NRXN1: variants seen among roughly 807,000 people sequenced by gnomAD.
The protein encoded by NRXN1 is neurexin-1.
Under a neutral mutation model 150.9 loss-of-function variants are expected in NRXN1, and 39 were observed. The observed-to-expected ratio is 0.26, with a 90% CI of 0.20 to 0.34. The LOEUF (loss-of-function observed/expected upper bound fraction) is 0.34. Ranked by LOEUF, NRXN1 falls within the 10% of genes least tolerant of loss-of-function variation. The pLI, the probability that NRXN1 is intolerant of heterozygous loss-of-function variation, is 1.00. For synonymous variants in NRXN1, 924 were observed against 757.0 expected (o/e 1.22, Z -3.62); for missense variants, 1,815 against 1,949.9 (o/e 0.93, Z 1.30).
intron 15 of NRXN1, among the ~76,000 whole-genome samples, chr2:50,487,662 C>T (rs971156675): frequency 8.5e-5 from 13 of 152,154 alleles, no homozygotes; most frequent in Non-Finnish European, 1.5e-4. Flanking sequence ...GTACAGTACC[C>T]GGGATGGAAG....
chr2:50,049,633 C>A (rs945540495), intron 21 of NRXN1, among the ~76,000 whole-genome samples: 2 of 152,184 alleles, frequency 1.3e-5, no homozygotes, highest in East Asian at 3.9e-4. Context: ...ATTCCAGAAA[C>A]GATGTCACAA....
At chr2:50,897,221 A>G (rs961014923) in intron 5 of NRXN1, among the ~76,000 whole-genome samples, 4 of 152,226 alleles carry the variant, frequency 2.6e-5, no homozygotes, top group Non-Finnish European at 5.9e-5. Flanking sequence ...TTGCAGTATA[A>G]GTACCACGTA....
intron 18 of NRXN1, among the ~76,000 whole-genome samples, chr2:50,162,690 T>C (rs1276576096): frequency 6.6e-6 from 1 of 152,094 alleles, no homozygotes; most frequent in Non-Finnish European, 1.5e-5. Flanking sequence ...CACAAGAACA[T>C]TTTTATAAAA....
At chr2:50,978,106 CT>C (rs1391217976) in intron 2 of NRXN1, among the ~76,000 whole-genome samples, 1 of 150,530 alleles carries the variant, frequency 6.6e-6, no homozygotes, top group Non-Finnish European at 1.5e-5. Context: ...TTTAAATATT[CT>C]TTAACTGTTC....
At chr2:50,419,780 G>T (rs12616901) in intron 17 of NRXN1, among the ~76,000 whole-genome samples, 17,311 of 151,960 alleles carry the variant, frequency 0.11, 1,398 homozygotes, top group East Asian at 0.37. Context: ...ATATATATTT[G>T]TATCTCCTCC....
At chr2:50,435,054 T>A (rs529106180) in intron 17 of NRXN1, among the ~76,000 whole-genome samples, 1 of 152,262 alleles carries the variant, frequency 6.6e-6, no homozygotes, top group Non-Finnish European at 1.5e-5. Flanking sequence ...ACTATGTATA[T>A]TTACGGGGTT....
intron 5 of NRXN1, among the ~76,000 whole-genome samples, chr2:50,749,402 G>A (rs1344170931): frequency 6.6e-6 from 1 of 152,016 alleles, no homozygotes; most frequent in Admixed American, 6.6e-5. Flanking sequence ...AAAGGGATTA[G>A]AACTTGCTCC....
intron 5 of NRXN1, among the ~76,000 whole-genome samples, chr2:50,712,649 G>C (rs965007143): frequency 3.9e-5 from 6 of 152,030 alleles, no homozygotes; most frequent in Admixed American, 6.6e-5. Context: ...ATCACAACAG[G>C]GTTCTCACTT....
At chr2:50,367,982 T>C (rs2079721154) in intron 17 of NRXN1, among the ~76,000 whole-genome samples, 1 of 152,028 alleles carries the variant, frequency 6.6e-6, no homozygotes, top group Admixed American at 6.6e-5. Context: ...CACACCGTGA[T>C]TAAATGTATA....
At chr2:50,136,182 T>C (rs1159082981) in intron 18 of NRXN1, among the ~76,000 whole-genome samples, 1 of 152,238 alleles carries the variant, frequency 6.6e-6, no homozygotes, top group Non-Finnish European at 1.5e-5. Context: ...GAAATTATTA[T>C]GCAGCTGTAG....
In NRXN1 at chr2:50,029,655, T is replaced by A. The variant is rs59133746; in HGVS notation, c.4128+23616A>T. 4.5e-3 allele frequency among the ~76,000 whole-genome samples: 684 copies of A among 152,280 alleles called. 4 individuals carry two copies. Among genetic ancestry groups the A allele is most frequent in the African/African-American group, 0.016 (661 of 41,554 alleles). ...CGAAATGAAACCTACTTTACTGGCA[T>A]CTTGATCTTGGACTTCTTAGCCTCT... On this transcript the variant is annotated intron_variant, in intron 21 of 22. Transcript: ENST00000401669.
chr2:50,898,611 T>C (rs191468404), intron 5 of NRXN1: 1 of 480,962 alleles, frequency 2.1e-6, no homozygotes, highest in Non-Finnish European at 4.2e-6. Context: ...TGCTGTAATA[T>C]TCTATGAGGT....
chr2:50,950,079 T>C (rs1249963990), intron 2 of NRXN1, among the ~76,000 whole-genome samples: 1 of 152,196 alleles, frequency 6.6e-6, no homozygotes, highest in Non-Finnish European at 1.5e-5. Context: ...AACTATCTCC[T>C]GGCCTGATGT....
intron 18 of NRXN1, among the ~76,000 whole-genome samples, chr2:50,097,796 C>T (rs77623903): frequency 0.015 from 2,245 of 152,184 alleles, 44 homozygotes; most frequent in African/African-American, 0.049. Flanking sequence ...CATGCCACCA[C>T]GCCCAGCTAA....
At chr2:50,191,659 G>A (rs377682861) in intron 18 of NRXN1, among the ~76,000 whole-genome samples, 2 of 152,100 alleles carry the variant, frequency 1.3e-5, no homozygotes, top group African/African-American at 2.4e-5. Flanking sequence ...TTTCAAGAAT[G>A]TCTTCTAACT....
chr2:50,041,183 A>G (rs1053524609), intron 21 of NRXN1, among the ~76,000 whole-genome samples: 4 of 152,174 alleles, frequency 2.6e-5, no homozygotes, highest in Non-Finnish European at 5.9e-5. Flanking sequence ...TCATTCCACT[A>G]CCCAAACTTC....
rs994319982 is a variant in NRXN1 at position 50,974,206 on chromosome 2, T to C, written c.773-48251A>G. ...AGTTTTACTATTTCAATAAAAGTTATAGTGATTATTGATAAAGACTTTTGG... is the reference window on the plus strand; with the variant it reads ...AGTTTTACTATTTCAATAAAAGTTACAGTGATTATTGATAAAGACTTTTGG... On this transcript the variant is annotated intron_variant, in intron 2 of 22. Transcript: ENST00000401669. Among the ~76,000 whole-genome samples, 4 of 152,138 alleles carry C rather than the reference T, an allele frequency of 2.6e-5. No homozygotes were observed. In the East Asian group the frequency reaches 5.8e-4, roughly 22 times the overall value.
intron 17 of NRXN1, among the ~76,000 whole-genome samples, chr2:50,238,800 G>A (rs2152882267): frequency 6.6e-6 from 1 of 152,088 alleles, no homozygotes; most frequent in East Asian, 1.9e-4. Flanking sequence ...TGTACCTGAT[G>A]CTTAAATAGG....
intron 5 of NRXN1, among the ~76,000 whole-genome samples, chr2:50,756,983 C>T (rs775060156): frequency 6.6e-6 from 1 of 151,754 alleles, no homozygotes; most frequent in Non-Finnish European, 1.5e-5. Flanking sequence ...CTAAAGAATG[C>T]TTTACAGAAA....
Sources: allele counts gnomAD v4.1 joint callset (sites outside exome capture counted in the v4.1 genomes callset), GRCh38; gene constraint gnomAD v4.1.1; transcripts MANE v1.5; gene names NCBI Gene and HGNC (gene_info 2026-07-23, HGNC 2026-07-21).